Variants in ABTB3 observed in about 807,000 individuals in gnomAD.
The protein encoded by ABTB3 is ankyrin repeat- and BTB/POZ domain-containing protein 3.
the ABTB3 span, among the ~76,000 whole-genome samples, chr12:107,441,896 C>T: frequency 6.6e-6 from 1 of 151,922 alleles, no homozygotes; most frequent in African/African-American, 2.4e-5. Flanking sequence ...GCCATGATCA[C>T]ACCACTATAC....
chr12:107,624,723 A>C, the ABTB3 span, among the ~76,000 whole-genome samples: 1 of 152,208 alleles, frequency 6.6e-6, no homozygotes, highest in African/African-American at 2.4e-5. Flanking sequence ...AGTTTGTTTA[A>C]GCACCCAACT....
the ABTB3 span, among the ~76,000 whole-genome samples, chr12:107,509,956 C>T: frequency 6.6e-6 from 1 of 152,350 alleles, no homozygotes; most frequent in South Asian, 2.1e-4. Flanking sequence ...CGACTCCCTT[C>T]TCTGTGCCAG....
the ABTB3 span, among the ~76,000 whole-genome samples, chr12:107,403,343 T>C: frequency 6.6e-6 from 1 of 151,976 alleles, no homozygotes. Context: ...AGACCGAAAA[T>C]GTAATGGGTT....
chr12:107,533,058 A>T, the ABTB3 span, among the ~76,000 whole-genome samples: 5 of 152,280 alleles, frequency 3.3e-5, 1 homozygote, highest in South Asian at 1.0e-3. Flanking sequence ...AAAGGACAAT[A>T]TCTACCCTGA....
At chr12:107,328,743 C>A in the ABTB3 span, among the ~76,000 whole-genome samples, 551 of 152,270 alleles carry the variant, frequency 3.6e-3, no homozygotes, top group Non-Finnish European at 6.5e-3. Context: ...TGAGTTGGGA[C>A]TTGGGCTCAA....
the ABTB3 span, chr12:107,618,448 C>T: frequency 4.0e-4 from 494 of 1,242,888 alleles, 1 homozygote; most frequent in African/African-American, 5.9e-3. Flanking sequence ...CACATGAACA[C>T]GCACATGCGC....
the ABTB3 span, among the ~76,000 whole-genome samples, chr12:107,578,223 G>C: frequency 6.6e-6 from 1 of 152,004 alleles, no homozygotes; most frequent in Non-Finnish European, 1.5e-5. Context: ...TAAGGTCAGA[G>C]TGACAAGAAG....
At chr12:107,631,297 C>G in the ABTB3 span, among the ~76,000 whole-genome samples, 1 of 152,212 alleles carries the variant, frequency 6.6e-6, no homozygotes, top group Non-Finnish European at 1.5e-5. Context: ...ATTTTTATGG[C>G]TGCATAGTAG....
chr12:107,546,655 G>A, the ABTB3 span, among the ~76,000 whole-genome samples: 1 of 152,170 alleles, frequency 6.6e-6, no homozygotes, highest in Non-Finnish European at 1.5e-5. Flanking sequence ...CCTGAGGTCA[G>A]GAGTTTGAGA....
the ABTB3 span, chr12:107,617,552 A>G: frequency 2.1e-6 from 3 of 1,403,098 alleles, no homozygotes; most frequent in Non-Finnish European, 2.9e-6. Flanking sequence ...AGGCAGTGTG[A>G]AGTGGTCCAG....
the ABTB3 span, among the ~76,000 whole-genome samples, chr12:107,471,106 G>A: frequency 5.6e-3 from 853 of 152,304 alleles, 10 homozygotes; most frequent in African/African-American, 0.019. Context: ...AGTGCTCAGC[G>A]TTTTCCGCAT....
the ABTB3 span, among the ~76,000 whole-genome samples, chr12:107,386,690 C>T: frequency 1.3e-5 from 2 of 152,106 alleles, no homozygotes; most frequent in South Asian, 2.1e-4. Context: ...ATTCCCTTGG[C>T]CTTTGTTATA....
chr12:107,332,597 C>T, the ABTB3 span, among the ~76,000 whole-genome samples: 1 of 152,150 alleles, frequency 6.6e-6, no homozygotes, highest in East Asian at 1.9e-4. Flanking sequence ...AGTACTTACC[C>T]AGGCACCTGG....
chr12:107,367,654 C>T, the ABTB3 span, among the ~76,000 whole-genome samples: 3 of 152,030 alleles, frequency 2.0e-5, no homozygotes, highest in Non-Finnish European at 2.9e-5. Flanking sequence ...TATAGGCGAA[C>T]GGCACCACCC....
At chr12:107,381,120 C>T in the ABTB3 span, among the ~76,000 whole-genome samples, 4 of 152,164 alleles carry the variant, frequency 2.6e-5, no homozygotes, top group African/African-American at 9.6e-5. Context: ...TTCCTCTATT[C>T]TGCCTTTGTC....
At chr12:107,504,255 A>C in the ABTB3 span, among the ~76,000 whole-genome samples, 1 of 152,190 alleles carries the variant, frequency 6.6e-6, no homozygotes, top group African/African-American at 2.4e-5. Flanking sequence ...TCTTTATATC[A>C]GTGTGCACAT....
At chr12:107,471,451 A>G in the ABTB3 span, among the ~76,000 whole-genome samples, 2 of 152,182 alleles carry the variant, frequency 1.3e-5, no homozygotes, top group Admixed American at 1.3e-4. Flanking sequence ...TCAAGAGGAG[A>G]AAAAGGGAGA....
chr12:107,403,945 C>G, the ABTB3 span, among the ~76,000 whole-genome samples: 6 of 151,924 alleles, frequency 3.9e-5, no homozygotes, highest in African/African-American at 1.5e-4. Context: ...GGTGGATCAC[C>G]TGAGGTCAGG....
At chr12:107,478,641 CTGGATCTTAGGTAATAGTCCAGCCTAT>C in the ABTB3 span, among the ~76,000 whole-genome samples, 1 of 152,176 alleles carries the variant, frequency 6.6e-6, no homozygotes, top group African/African-American at 2.4e-5. Flanking sequence ...TCAGAAAGGA[CTGGATCTTAGGTAATAGTCCAGCCTAT>C]CCTCCGCCAC....
Sources: allele counts gnomAD v4.1 joint callset (sites outside exome capture counted in the v4.1 genomes callset), GRCh38; gene constraint gnomAD v4.1.1; transcripts MANE v1.5; gene names NCBI Gene and HGNC (gene_info 2026-07-23, HGNC 2026-07-21).